Variants in ERI3 observed in about 807,000 individuals in gnomAD.
ERI3 encodes ERI1 exoribonuclease 3.
Under a neutral mutation model 44.4 loss-of-function variants are expected in ERI3, and 18 were observed. The observed-to-expected ratio is 0.41, with a 90% CI of 0.28 to 0.60. The LOEUF is 0.60. Ranked by LOEUF, ERI3 falls within the 20% of genes least tolerant of loss-of-function variation. The probability of loss-of-function intolerance (pLI) is 0.36; values close to 1 mark genes in which losing one functional copy is unlikely to be tolerated. For missense variants in ERI3, 294 were observed against 435.5 expected (o/e 0.68, Z 2.89); for synonymous variants, 183 against 164.8 (o/e 1.11, Z -0.84).
intron 2 of ERI3, among the ~76,000 whole-genome samples, chr1:44,343,713 T>C (rs1040457369): frequency 2.6e-5 from 4 of 152,088 alleles, no homozygotes; most frequent in African/African-American, 9.7e-5. Context: ...TTTAATGGGG[T>C]CCAAGGTTTA....
At position 44,248,700 on chromosome 1, in the gene ERI3, AGAGT is replaced by A. The variant is rs1291849652; in HGVS notation, c.832-666_832-663del. Among the ~76,000 whole-genome samples the A allele has an allele frequency of 3.8e-5, 4 of 106,502 alleles. No individual in the cohort carries two copies. In the East Asian group the frequency reaches 7.0e-4, roughly 19 times the overall value. 69.9% of individuals were successfully genotyped at this position (106,502 alleles called of 152,430 possible). A position where few individuals can be genotyped will look rare whatever the true frequency, so the allele number is the denominator to read the frequency against. The stretch of plus-strand genomic sequence containing the variant: ...GTGTGTGTATGTATGTGTGTGAGAG[AGAGT>A]GTGTGTGTGTGTGTGTGTGTGTGGT... On this transcript the variant is annotated intron_variant, in intron 7 of 8. Coordinates refer to ENST00000372257, the MANE Select transcript of ERI3 (RefSeq NM_024066.3).
At chr1:44,296,920 C>G (rs574934964) in intron 6 of ERI3, among the ~76,000 whole-genome samples, 2 of 152,290 alleles carry the variant, frequency 1.3e-5, no homozygotes, top group African/African-American at 2.4e-5. Context: ...CCTCAGCCCC[C>G]ACATGCACCG....
At chr1:44,224,520 C>T (rs1392406883) in intron 8 of ERI3, among the ~76,000 whole-genome samples, 1 of 152,246 alleles carries the variant, frequency 6.6e-6, no homozygotes, top group Non-Finnish European at 1.5e-5. Flanking sequence ...TTAGGTTCCT[C>T]CACTAGGGTG....
chr1:44,313,878 T>C lies in ERI3; in HGVS notation c.607-650A>G, dbSNP rs548104666. ...GAAACTAAGACAAAAAGGCCTAATG[T>C]TCAGACTATGACCTAGAGAATTTCT... On this transcript the variant is annotated intron_variant, in intron 4 of 8. Transcript: ENST00000372257. Among the ~76,000 whole-genome samples the C allele has an allele frequency of 1.7e-3, 255 of 152,244 alleles. 1 individual carries two copies. The highest frequency in any genetic ancestry group is 5.9e-3 in the African/African-American group (245 of 41,530).
chr1:44,276,328 C>A (rs987706696), intron 7 of ERI3, among the ~76,000 whole-genome samples: 1 of 152,230 alleles, frequency 6.6e-6, no homozygotes, highest in African/African-American at 2.4e-5. Context: ...CAAGTATGTG[C>A]AGTGTGCACA....
chr1:44,290,948 T>C (rs537746011), intron 6 of ERI3, among the ~76,000 whole-genome samples: 19 of 152,172 alleles, frequency 1.2e-4, no homozygotes, highest in East Asian at 3.9e-4. Flanking sequence ...ATGGAGCAAA[T>C]TGAGCAACAA....
chr1:44,332,737 C>T (rs995586237), intron 3 of ERI3, among the ~76,000 whole-genome samples: 25 of 152,204 alleles, frequency 1.6e-4, no homozygotes, highest in African/African-American at 5.5e-4. Flanking sequence ...GTTCCCATTC[C>T]GGGAATACTA....
intron 1 of ERI3, chr1:44,354,601 G>A (rs887126834): frequency 5.1e-6 from 5 of 985,220 alleles, no homozygotes; most frequent in East Asian, 1.1e-4. Context: ...AGAGGGTCAA[G>A]GGAATGTTCT....
At chr1:44,282,025 A>G (rs1426477224) in intron 7 of ERI3, among the ~76,000 whole-genome samples, 1 of 151,976 alleles carries the variant, frequency 6.6e-6, no homozygotes, top group Non-Finnish European at 1.5e-5. Flanking sequence ...CAATAAGAAT[A>G]TAAGATCATT....
chr1:44,353,250 C>G, intron 1 of ERI3: 3 of 985,184 alleles, frequency 3.0e-6, no homozygotes, highest in Non-Finnish European at 3.6e-6. Flanking sequence ...ACTGGTAAGG[C>G]TGACAATATT....
At chr1:44,300,678 C>A (rs1645704644) in intron 6 of ERI3, among the ~76,000 whole-genome samples, 1 of 152,192 alleles carries the variant, frequency 6.6e-6, no homozygotes. Context: ...TGGTTAATCC[C>A]CAGCCAAGCC....
At chr1:44,326,990 G>A (rs180932363) in intron 3 of ERI3, among the ~76,000 whole-genome samples, 1 of 152,302 alleles carries the variant, frequency 6.6e-6, no homozygotes, top group Non-Finnish European at 1.5e-5. Flanking sequence ...GCACACCTGT[G>A]TCTCCCTCTG....
At chr1:44,234,661 A>G (rs1644264348) in intron 8 of ERI3, among the ~76,000 whole-genome samples, 1 of 152,208 alleles carries the variant, frequency 6.6e-6, no homozygotes, top group South Asian at 2.1e-4. Flanking sequence ...TCTGTCTCAA[A>G]AAACAGCAAC....
At chr1:44,258,054 G>C (rs1644815102) in intron 7 of ERI3, among the ~76,000 whole-genome samples, 1 of 152,134 alleles carries the variant, frequency 6.6e-6, no homozygotes, top group Non-Finnish European at 1.5e-5. Context: ...TGAGCTGTTA[G>C]GGCTAATCCC....
intron 5 of ERI3, among the ~76,000 whole-genome samples, chr1:44,309,392 G>A (rs908626030): frequency 2.0e-5 from 3 of 152,042 alleles, no homozygotes; most frequent in African/African-American, 7.2e-5. Flanking sequence ...CTACTTGGGA[G>A]GCTGAGGCAG....
chr1:44,322,594 G>A (rs1403819681), intron 3 of ERI3: 8 of 1,174,292 alleles, frequency 6.8e-6, no homozygotes, highest in African/African-American at 6.3e-5. Context: ...ACAACATGAG[G>A]AGCTGTTATT....
intron 7 of ERI3, among the ~76,000 whole-genome samples, chr1:44,275,943 T>G (rs1413229455): frequency 6.6e-6 from 1 of 152,232 alleles, no homozygotes; most frequent in Non-Finnish European, 1.5e-5. Flanking sequence ...ATGATTCTGA[T>G]GCCTGGAAAA....
intron 6 of ERI3, among the ~76,000 whole-genome samples, chr1:44,286,563 G>T (rs1003698325): frequency 1.6e-4 from 24 of 152,240 alleles, no homozygotes; most frequent in Middle Eastern, 6.8e-3. Flanking sequence ...ATAGAGCGAG[G>T]TGAGCAGAGG....
chr1:44,292,512 C>G (rs1238053073), intron 6 of ERI3, among the ~76,000 whole-genome samples: 1 of 152,196 alleles, frequency 6.6e-6, no homozygotes, highest in Non-Finnish European at 1.5e-5. Context: ...CAGAAGATAA[C>G]CATAGCAGAC....
Sources: allele counts gnomAD v4.1 joint callset (sites outside exome capture counted in the v4.1 genomes callset), GRCh38; gene constraint gnomAD v4.1.1; transcripts MANE v1.5; gene names NCBI Gene and HGNC (gene_info 2026-07-23, HGNC 2026-07-21).